GPR107: variants seen among roughly 807,000 people sequenced by gnomAD.
GPR107 encodes the protein protein GPR107.
A neutral mutation model predicts 75.5 loss-of-function variants in GPR107; 31 were observed. That is an observed-to-expected ratio of 0.41 (90% CI 0.31 to 0.55). The LOEUF (loss-of-function observed/expected upper bound fraction) is 0.55. GPR107 is among the 20% of genes least tolerant of loss of function. The pLI, the probability that GPR107 is intolerant of heterozygous loss-of-function variation, is 0.26. For missense variants in GPR107, 572 were observed against 665.7 expected (o/e 0.86, Z 1.55); for synonymous variants, 267 against 251.3 (o/e 1.06, Z -0.59).
chr9:130,055,909 T>C (rs1829776041), intron 1 of GPR107, among the ~76,000 whole-genome samples: 1 of 152,138 alleles, frequency 6.6e-6, no homozygotes, highest in African/African-American at 2.4e-5. Context: ...ATTGTGCCAC[T>C]GCACTCCAGT....
At chr9:130,117,335 G>A (rs1171799166) in intron 14 of GPR107, among the ~76,000 whole-genome samples, 1 of 152,268 alleles carries the variant, frequency 6.6e-6, no homozygotes, top group East Asian at 1.9e-4. Context: ...TTGACCACTC[G>A]TAGCCTTTCC....
intron 17 of GPR107, 94 bp downstream of exon 17, chr9:130,128,855 C>T (rs956510199): frequency 2.0e-5 from 24 of 1,184,612 alleles, no homozygotes; most frequent in Non-Finnish European, 2.1e-5. Context: ...CTCAGCATTT[C>T]GTGGCTGCAG....
Position 130,127,477 on chromosome 9 carries a change from A to G in GPR107, c.1357-6A>G. On this transcript the variant is annotated splice_polypyrimidine_tract_variant and splice_region_variant and intron_variant, in intron 15 of 17. Coordinates refer to ENST00000347136, the MANE Select transcript of GPR107 (RefSeq NM_020960.5). ...CTGATTTCCTGTTTCTTTCCTCCTC[A>G]TGCAGATTGTGTGTTACATATACTT... The G allele has an allele frequency of 6.7e-7, 1 of 1,487,460 alleles. No individual in the cohort carries two copies. The highest frequency in any genetic ancestry group is 9.4e-7 in the Non-Finnish European group (1 of 1,065,534). The allele number at this position is 1,487,460 out of a possible 1,614,324, so 92.1% of individuals were successfully genotyped here.
In GPR107 at chr9:130,136,953, CTG is replaced by C. The variant is rs1564690624; in HGVS notation, c.*1837_*1838del. 1 of 152,224 alleles carries C rather than the reference CTG, an allele frequency of 6.6e-6. No individual in the cohort carries two copies. The highest frequency in any genetic ancestry group is 1.5e-5 in the Non-Finnish European group (1 of 68,050). 9.4% of individuals were successfully genotyped at this position (152,224 alleles called of 1,614,324 possible). A position where few individuals can be genotyped will look rare whatever the true frequency, so the allele number is the denominator to read the frequency against. On this transcript the variant is annotated 3_prime_UTR_variant, in exon 18 of 18. Coordinates refer to ENST00000347136, the MANE Select transcript of GPR107 (RefSeq NM_020960.5). ...GGACCTTTTTCAAGTTCACTTGGGA[CTG>C]TGTGACAGAAGGGAGTTGGAGGGAG...
rs575564609 is a variant in GPR107 at position 130,119,543 on chromosome 9, T to C, written c.1307-5372T>C. ...AAACCGAGGCTCAGAGAGGGTTAGC[T>C]GACTTATCGGAGGCCACACAGCCAG... On this transcript the variant is annotated intron_variant, in intron 14 of 17. Coordinates refer to ENST00000347136, the MANE Select transcript of GPR107 (RefSeq NM_020960.5). Among the ~76,000 whole-genome samples, 10 of 152,304 alleles carry C rather than the reference T, an allele frequency of 6.6e-5. No homozygotes were observed. The South Asian group carries it at 2.1e-3, about 32-fold the overall frequency.
At chr9:130,101,071 A>T in intron 11 of GPR107, 35 bp from the exon 12 acceptor site, 1 of 1,152,714 alleles carries the variant, frequency 8.7e-7, no homozygotes, top group Non-Finnish European at 1.3e-6. Context: ...GTCTAAAGAG[A>T]CCTGCTGGTG....
In GPR107 at chr9:130,111,590, G is replaced by C. The variant is rs563614746; in HGVS notation, c.1306+4051G>C. On this transcript the variant is annotated intron_variant, in intron 14 of 17. Coordinates refer to ENST00000347136, the MANE Select transcript of GPR107 (RefSeq NM_020960.5). ...GAATCTCATTTTTAGTTTAGGTGCA[G>C]TCCAGGCCCAGTAACTGCAAGTGAG... Among the ~76,000 whole-genome samples the C allele has an allele frequency of 2.4e-3, 366 of 152,272 alleles. 1 individual carries two copies. The highest frequency in any genetic ancestry group is 8.4e-3 in the African/African-American group (350 of 41,562).
At chr9:130,067,580 C>A (rs1182737841) in intron 1 of GPR107, among the ~76,000 whole-genome samples, 1 of 152,124 alleles carries the variant, frequency 6.6e-6, no homozygotes, top group Non-Finnish European at 1.5e-5. Flanking sequence ...TCTCTCACTT[C>A]ATGTGCTTAG....
chr9:130,128,899 G>T (rs1186108638), intron 17 of GPR107, 138 bp downstream of exon 17: 1 of 746,900 alleles, frequency 1.3e-6, no homozygotes. Flanking sequence ...GAAGGAAGCG[G>T]ACACTGGAGC....
chr9:130,100,700 C>T lies in GPR107; in HGVS notation c.1011C>T (p.His337=), dbSNP rs1395752608. ...GGGCTGTTGTGTACTACATAACTCA[C>T]CTGTAAGTATGCAGGTCCATGTGAA... ...EGWAVVYYIT[H]LLKGALLFIT... is the part of the protein sequence containing the mutation. The change falls in exon 11 of 18, where the codon CAC becomes CAT. Residue 337 remains histidine, a splice_region_variant and synonymous_variant. Transcript: ENST00000347136. 1 of 1,603,414 alleles carries T rather than the reference C, an allele frequency of 6.2e-7. No individual in the cohort carries two copies. Among genetic ancestry groups the T allele is most frequent in the East Asian group, 2.2e-5 (1 of 44,832 alleles).
chr9:130,086,677 G>C (rs1830622646), intron 7 of GPR107, among the ~76,000 whole-genome samples: 1 of 152,114 alleles, frequency 6.6e-6, no homozygotes, highest in African/African-American at 2.4e-5. Context: ...AGAAGTCTCT[G>C]AGAGTGAATA....
Position 130,127,488 on chromosome 9 carries a change from G to A in GPR107, c.1362G>A (p.Val454=), listed in dbSNP as rs753436473. 6.5e-7 allele frequency: 1 copy of A among 1,549,728 alleles called. No homozygotes were observed. The highest frequency in any genetic ancestry group is 1.1e-5 in the South Asian group (1 of 89,570). Reference sequence around the variant, plus strand: ...TTTCTTTCCTCCTCATGCAGATTGTGTGTTACATATACTTCACTAGGATCA... The same window carrying A: ...TTTCTTTCCTCCTCATGCAGATTGTATGTTACATATACTTCACTAGGATCA... ...KLFRHYYVLI[V]CYIYFTRIIA... is the part of the protein sequence containing the mutation. The change falls in exon 16 of 18, where the codon GTG becomes GTA. Residue 454 remains valine (V), a synonymous_variant. Transcript: ENST00000347136.
intron 9 of GPR107, 90 bp downstream of exon 9, chr9:130,092,471 C>T (rs1830764850): frequency 9.6e-7 from 1 of 1,046,792 alleles, no homozygotes; most frequent in Non-Finnish European, 1.5e-6. Flanking sequence ...GCAGTTGTCA[C>T]TTAGCAGTGT....
At chr9:130,101,598 C>T (rs570795161) in intron 12 of GPR107, among the ~76,000 whole-genome samples, 62 of 152,306 alleles carry the variant, frequency 4.1e-4, no homozygotes, top group African/African-American at 1.4e-3. Context: ...ATTTTAAAAC[C>T]GTGAACTACA....
intron 14 of GPR107, 103 bp from the exon 15 acceptor site, chr9:130,124,812 C>A (rs866116613): frequency 1.6e-5 from 11 of 685,652 alleles, no homozygotes; most frequent in African/African-American, 1.3e-4. Context: ...TGGTCCTCAT[C>A]TGCATTAGAG....
intron 5 of GPR107, among the ~76,000 whole-genome samples, chr9:130,082,816 A>G (rs1589497819): frequency 6.6e-6 from 1 of 151,674 alleles, no homozygotes; most frequent in Non-Finnish European, 1.5e-5. Flanking sequence ...ATAGATGCCC[A>G]CTCTGTTCCA....
chr9:130,114,087 G>A (rs1425698744), intron 14 of GPR107, among the ~76,000 whole-genome samples: 1 of 112,306 alleles, frequency 8.9e-6, no homozygotes, highest in Non-Finnish European at 2.0e-5. Context: ...TTTATTTTGG[G>A]GCCAGGCACA....
chr9:130,122,640 G>T (rs553337353), intron 14 of GPR107, among the ~76,000 whole-genome samples: 28 of 152,230 alleles, frequency 1.8e-4, no homozygotes, highest in Middle Eastern at 6.8e-3. Flanking sequence ...CAGCTGCCCC[G>T]GGGGCAGAGG....
chr9:130,123,526 T>TTTC (rs1477264299), intron 14 of GPR107, among the ~76,000 whole-genome samples: 1 of 12,664 alleles, frequency 7.9e-5, no homozygotes, highest in Non-Finnish European at 1.6e-4. Flanking sequence ...CTTTCTTTTC[T>TTTC]TTTCTTTTTT....
Sources: allele counts gnomAD v4.1 joint callset (sites outside exome capture counted in the v4.1 genomes callset), GRCh38; gene constraint gnomAD v4.1.1; transcripts MANE v1.5; gene names NCBI Gene and HGNC (gene_info 2026-07-23, HGNC 2026-07-21).